The following ZNF540 variants were observed in gnomAD, a reference collection of about 807,000 sequenced individuals.
The protein encoded by ZNF540 is CTD-3064H18.6.
In ZNF540, 3 loss-of-function variants were observed where a neutral mutation model predicts 11.8. The observed-to-expected ratio is 0.25, with a 90% confidence interval of 0.12 to 0.65. ZNF540 has a LOEUF of 0.65. Ranked by LOEUF, ZNF540 falls within the 30% of genes least tolerant of loss-of-function variation. The pLI, the probability that ZNF540 is intolerant of heterozygous loss-of-function variation, is 0.83. For missense variants in ZNF540, 709 were observed against 793.1 expected, an observed-to-expected ratio of 0.89 and a Z score of 1.27; for synonymous variants, 247 against 259.0, an observed-to-expected ratio of 0.95 and a Z score of 0.45.
rs771756082 is a variant in ZNF540 at position 37,613,144 on chromosome 19, C to T, written c.1864C>T (p.Leu622Phe). The T allele has an allele frequency of 4.6e-5, 75 of 1,613,826 alleles. 4 individuals are homozygous for T. In the South Asian group the frequency reaches 7.4e-4, roughly 16 times the overall value. Residue 622 changes from leucine (L) to phenylalanine (F), a missense_variant, in exon 5 of 5, where the codon CTT becomes TTT. Physicochemically the swap from Leu to Phe is conservative, Grantham distance 22 (BLOSUM62 0). Transcript: ENST00000316433. The part of the protein sequence containing the change: ...CGKAFRLNSH[L>F]TEHQRIHTGE... ...GAAGGCCTTTAGACTTAATTCACAC[C>T]TTACTGAACATCAGAGAATTCACAC...
intron 1 of ZNF540, among the ~76,000 whole-genome samples, chr19:37,552,005 C>G (rs2042611385): frequency 6.6e-6 from 1 of 151,886 alleles, no homozygotes; most frequent in Admixed American, 6.6e-5. Flanking sequence ...TTTTCTGAGT[C>G]TCACCTGTTT....
intron 4 of ZNF540, among the ~76,000 whole-genome samples, chr19:37,605,701 T>C (rs1200568222): frequency 1.3e-5 from 2 of 152,218 alleles, no homozygotes; most frequent in Non-Finnish European, 2.9e-5. Flanking sequence ...GCATTCCCAC[T>C]AGATGTCCAA....
rs772488088 is a variant in ZNF540, at chr19:37,613,186, GA to G, written c.1907del (p.Glu636GlyfsTer24). 1.2e-6 allele frequency: 2 copies of G among 1,611,788 alleles called. No individual in the cohort carries two copies. The highest frequency in any genetic ancestry group is 8.5e-7 in the Non-Finnish European group (1 of 1,178,722). On this transcript the variant is annotated frameshift_variant, in exon 5 of 5. Transcript: ENST00000316433. LOFTEE classifies it low-confidence loss of function (END_TRUNC). ...AATTCACACTGGTGAGAAACCCTAT[GA>G]GTGTAAGGTATGTAGAAAGGCCTTT... ...QRIHTGEKPY[E>X]CKVCRKAFRQ...
chr19:37,557,636 C>T (rs550624919), intron 1 of ZNF540, among the ~76,000 whole-genome samples: 3 of 152,278 alleles, frequency 2.0e-5, no homozygotes. Flanking sequence ...TCTTGAAGAT[C>T]GGATGGGCCA....
Position 37,611,497 on chromosome 19 carries a change from T to C in ZNF540, c.233-16T>C, listed in dbSNP as rs748507254. On this transcript the variant is annotated splice_polypyrimidine_tract_variant and intron_variant, in intron 4 of 4. Coordinates refer to ENST00000316433, the MANE Select transcript of ZNF540 (RefSeq NM_001172225.3). ...ACAGGAAAATAATTTTTGTTTGCTT[T>C]TATGTTTTCTTTCAGGTTTGTTATC... The C allele has an allele frequency of 1.9e-6, 3 of 1,554,024 alleles. No individual in the cohort carries two copies. The South Asian group carries it at 3.7e-5, about 19-fold the overall frequency.
In ZNF540 at chr19:37,598,414, C is replaced by T. The variant is rs370536450; in HGVS notation, c.-34C>T. The T allele has an allele frequency of 2.0e-5, 33 of 1,612,806 alleles. 1 individual carries two copies. Among genetic ancestry groups the T allele is most frequent in the African/African-American group, 2.0e-4 (15 of 74,996 alleles). Reference sequence around the variant, plus strand: ...TTGCTTCTCCAGCAGAATAATCCTGCGGAAGACTGAGCAGTTCTTGTGAGT... The same window carrying T: ...TTGCTTCTCCAGCAGAATAATCCTGTGGAAGACTGAGCAGTTCTTGTGAGT... On this transcript the variant is annotated 5_prime_UTR_variant, in exon 2 of 5. Transcript: ENST00000316433.
chr19:37,605,504 C>T (rs916869648), intron 4 of ZNF540, among the ~76,000 whole-genome samples: 10 of 151,952 alleles, frequency 6.6e-5, no homozygotes, highest in Non-Finnish European at 1.0e-4. Flanking sequence ...AAAAATTAGC[C>T]GGGTGTGGTG....
chr19:37,599,096 G>T (rs916706040), intron 2 of ZNF540, among the ~76,000 whole-genome samples: 8 of 152,038 alleles, frequency 5.3e-5, no homozygotes, highest in African/African-American at 1.9e-4. Flanking sequence ...AGGTACTATG[G>T]CCTCGAACTT....
chr19:37,573,253 A>G (rs188750956), intron 1 of ZNF540, among the ~76,000 whole-genome samples: 2 of 152,272 alleles, frequency 1.3e-5, no homozygotes, highest in Non-Finnish European at 2.9e-5. Context: ...AGGCAATTCT[A>G]TATAAAAGTA....
At chr19:37,574,382 G>C (rs2043173437) in intron 1 of ZNF540, among the ~76,000 whole-genome samples, 1 of 151,948 alleles carries the variant, frequency 6.6e-6, no homozygotes, top group East Asian at 1.9e-4. Flanking sequence ...CCCCCTCCGA[G>C]CTAATTCAAT....
rs138387764 is a variant in ZNF540 at position 37,564,715 on chromosome 19, T to C, written c.-73+13050T>C. ...GGATCCTTTGATGCAGAGTAAGTTC[T>C]GAGCCACGACTAAAGGCCCTCCCAC... On this transcript the variant is annotated intron_variant, in intron 1 of 4. Transcript: ENST00000592533. 7 of 1,613,638 alleles carry C rather than the reference T, an allele frequency of 4.3e-6. No homozygotes were observed. In the Admixed American group the frequency reaches 8.3e-5, roughly 19 times the overall value.
At chr19:37,568,285 A>T (rs1004190854) in intron 1 of ZNF540, among the ~76,000 whole-genome samples, 1 of 151,236 alleles carries the variant, frequency 6.6e-6, no homozygotes, top group African/African-American at 2.4e-5. Context: ...TTTGCTGAAA[A>T]GCAAAAAGAA....
intron 1 of ZNF540, among the ~76,000 whole-genome samples, chr19:37,588,404 G>A (rs138031886): frequency 1.6e-3 from 249 of 152,294 alleles, no homozygotes; most frequent in African/African-American, 5.8e-3. Flanking sequence ...CATATCCTCT[G>A]CAGCAACACA....
rs2043972923 is a variant in ZNF540, at chr19:37,594,910, G to T, written c.-258G>T. 1 of 152,200 alleles carries T rather than the reference G, an allele frequency of 6.6e-6. No individual in the cohort carries two copies. The highest frequency in any genetic ancestry group is 1.5e-5 in the Non-Finnish European group (1 of 68,070). 9.4% of individuals were successfully genotyped at this position (152,200 alleles called of 1,614,324 possible). A position where few individuals can be genotyped will look rare whatever the true frequency, so the allele number is the denominator to read the frequency against. On this transcript the variant is annotated 5_prime_UTR_variant, in exon 1 of 5. Transcript: ENST00000316433. ...CGGGTCCGGCGCTCCAGAACAGAAC[G>T]ATCCCTGAGGCTCCCTTGCTCGAAC...
chr19:37,565,375 A>G (rs763644093), intron 1 of ZNF540: 6 of 1,613,872 alleles, frequency 3.7e-6, no homozygotes, highest in Non-Finnish European at 5.1e-6. Flanking sequence ...TCTGATGTTC[A>G]TTCAGTTGGG....
rs73033120 is a variant in ZNF540, at chr19:37,583,124, C to T, written c.-72-15252C>T. ...TCAGTTTCTCTCAGGATCTTCTCTT[C>T]CCTCTGCCTGAACACACCTTTCCCT... is the stretch of plus-strand genomic sequence containing the variant. On this transcript the variant is annotated intron_variant, in intron 1 of 4. Transcript: ENST00000592533. 5.8e-3 allele frequency among the ~76,000 whole-genome samples: 877 copies of T among 152,300 alleles called. 8 individuals are homozygous for T. Among genetic ancestry groups the T allele is most frequent in the Non-Finnish European group, 0.01 (683 of 68,022 alleles).
At chr19:37,572,253 G>C (rs1378094501) in intron 1 of ZNF540, among the ~76,000 whole-genome samples, 1 of 152,136 alleles carries the variant, frequency 6.6e-6, no homozygotes, top group Non-Finnish European at 1.5e-5. Flanking sequence ...CTTTACTGTA[G>C]TTCCCCCTTA....
At chr19:37,605,432 G>A (rs1406828016) in intron 4 of ZNF540, among the ~76,000 whole-genome samples, 3 of 152,102 alleles carry the variant, frequency 2.0e-5, no homozygotes, top group South Asian at 2.1e-4. Context: ...GGTGGATCAC[G>A]AGGTCAGGAG....
intron 1 of ZNF540, among the ~76,000 whole-genome samples, chr19:37,584,836 C>A (rs897286013): frequency 6.6e-6 from 1 of 152,058 alleles, no homozygotes; most frequent in Middle Eastern, 3.4e-3. Flanking sequence ...TGATGGTGGG[C>A]ACCTGTAGTC....
Sources: gnomAD v4.1 joint callset for allele counts (sites outside exome capture counted in the v4.1 genomes callset) on GRCh38, gnomAD v4.1.1 for gene constraint, MANE v1.5 for transcripts, NCBI Gene and HGNC (gene_info 2026-07-23, HGNC 2026-07-21) for gene names.